Variants in C1orf116 observed in about 807,000 individuals in gnomAD.
The protein encoded by C1orf116 is chromosome 1 open reading frame 116.
Under a neutral mutation model 14.1 loss-of-function variants are expected in C1orf116, and 12 were observed. That is an observed-to-expected ratio of 0.85 (90% CI 0.54 to 1.38). The LOEUF is 1.38. C1orf116 is among the 40% of genes most tolerant of loss of function. The pLI is 0.00. For missense variants in C1orf116, 797 were observed against 747.0 expected, an observed-to-expected ratio of 1.07 and a Z score of -0.78; for synonymous variants, 296 against 299.0, an observed-to-expected ratio of 0.99 and a Z score of 0.10.
chr1:207,023,782 A>G (rs906087655), intron 3 of C1orf116, among the ~76,000 whole-genome samples: 56 of 152,296 alleles, frequency 3.7e-4, no homozygotes, highest in African/African-American at 1.3e-3. Context: ...TTCGAGACCA[A>G]CCAGGGCAAC....
intron 1 of C1orf116, 88 bp downstream of exon 1, chr1:207,032,491 C>T (rs763990473): frequency 1.2e-5 from 11 of 887,528 alleles, no homozygotes; most frequent in Non-Finnish European, 1.3e-5. Context: ...TATAGAGGGA[C>T]ACCTCCCCTC....
chr1:207,032,178 G>A (rs1447324335), intron 1 of C1orf116, among the ~76,000 whole-genome samples: 1 of 152,154 alleles, frequency 6.6e-6, no homozygotes, highest in Non-Finnish European at 1.5e-5. Context: ...TCCTGTTACA[G>A]TCGCTATGGA....
chr1:207,029,179 GC>G (rs1366705966), intron 1 of C1orf116, among the ~76,000 whole-genome samples: 1 of 151,924 alleles, frequency 6.6e-6, no homozygotes, highest in Non-Finnish European at 1.5e-5. Context: ...CTTAAAAGGG[GC>G]AGGTATGGAG....
At chr1:207,027,435 C>A in intron 2 of C1orf116, 59 bp downstream of exon 2, 1 of 1,596,928 alleles carries the variant, frequency 6.3e-7, no homozygotes, top group South Asian at 1.1e-5. Context: ...TAGGGCAGGG[C>A]AGGGCAGGGC....
chr1:207,027,286 G>A (rs1572697540), intron 2 of C1orf116, among the ~76,000 whole-genome samples: 1 of 152,178 alleles, frequency 6.6e-6, no homozygotes, highest in Non-Finnish European at 1.5e-5. Flanking sequence ...CATTTGCCCA[G>A]TTGCTCTCTA....
intron 2 of C1orf116, 72 bp from the exon 3 acceptor site, chr1:207,025,136 G>A: frequency 8.7e-7 from 1 of 1,150,726 alleles, no homozygotes; most frequent in South Asian, 1.5e-5. Flanking sequence ...AGGAGAGGGA[G>A]AGAGAGCTGT....
Position 207,022,698 on chromosome 1 carries a change from G to A in C1orf116, c.1066C>T (p.Leu356=). The A allele has an allele frequency of 6.2e-7, 1 of 1,614,098 alleles. No individual in the cohort carries two copies. The highest frequency in any genetic ancestry group is 1.1e-5 in the South Asian group (1 of 91,082). ...CCAGGCTCATCTTGATCCTGGGGTA[G>A]CCCCAGCTTCTCTAGAGCTTCTTTA... ...ARKEALEKLG[L]PQDQDEPGLH... Residue 356 remains leucine, a synonymous_variant, in exon 4 of 4, where the codon CTA becomes TTA. Transcript: ENST00000359470.
Position 207,022,184 on chromosome 1 carries a change from C to G in C1orf116, c.1580G>C (p.Arg527Pro), listed in dbSNP as rs146846282. The change falls in exon 4 of 4, where the codon CGG (arginine) becomes CCG (proline). Residue 527 changes from arginine (R) to proline (P), a missense_variant. Transcript: ENST00000359470. ...CGTGCCCAGGGAGGCCGGGCGGGGC[C>G]GAGAATTACGTAAGACACTGGGCGA... ...KISPSVLRNSRPRPASLGTGK... is the reference protein window; with the variant it reads ...KISPSVLRNSPPRPASLGTGK... 1.2e-6 allele frequency: 2 copies of G among 1,613,684 alleles called. No homozygotes were observed. The highest frequency in any genetic ancestry group is 8.5e-7 in the Non-Finnish European group (1 of 1,179,730).
In C1orf116 at chr1:207,022,138, G is replaced by A; in HGVS notation, c.1626C>T (p.Ile542=). The A allele has an allele frequency of 6.2e-7, 1 of 1,612,958 alleles. No homozygotes were observed. The highest frequency in any genetic ancestry group is 8.5e-7 in the Non-Finnish European group (1 of 1,179,038). ...SLGTGKDFAG[I]QVGKLADLEQ... is the part of the protein sequence containing the mutation. The stretch of plus-strand genomic sequence containing the variant: ...CCAGGTCAGCCAGCTTGCCTACCTG[G>A]ATACCTGCAAAATCTTTCCCCGTGC... The change falls in exon 4 of 4, where the codon ATC becomes ATT. Residue 542 remains isoleucine (I), a synonymous_variant. Transcript: ENST00000359470.
intron 1 of C1orf116, among the ~76,000 whole-genome samples, chr1:207,030,164 C>T (rs1245574408): frequency 6.6e-6 from 1 of 152,226 alleles, no homozygotes; most frequent in Non-Finnish European, 1.5e-5. Flanking sequence ...CTAATTCGAT[C>T]TTCAGCATAA....
rs771715067 is a variant in C1orf116, at chr1:207,023,090, C to T, written c.674G>A (p.Gly225Asp). Residue 225 changes from glycine (G) to aspartate (D), a missense_variant, in exon 4 of 4, where the codon GGC becomes GAC. Coordinates refer to ENST00000359470, the MANE Select transcript of C1orf116 (RefSeq NM_023938.6). ...ASLPEGPGQQGHTPQLHTPSS... is the reference protein window; with the variant it reads ...ASLPEGPGQQDHTPQLHTPSS... ...TGGTGTGTGGAGCTGGGGTGTGTGG[C>T]CCTGCTGTCCTGGCCCCTCGGGCAG... 1.1e-5 allele frequency: 18 copies of T among 1,612,382 alleles called. No individual in the cohort carries two copies. Among genetic ancestry groups the T allele is most frequent in the Middle Eastern group, 1.7e-4 (1 of 6,060 alleles).
Position 207,032,584 on chromosome 1 carries a change from C to T in C1orf116, c.-87G>A. ...TTGGTTAGTGATTAACTCACCTCCA[C>T]TGGGTTGGGGGCTGAAGAGAGAAAA... On this transcript the variant is annotated 5_prime_UTR_variant, in exon 1 of 4. It adds an upstream start codon to the 5' untranslated region. Coordinates refer to ENST00000359470, the MANE Select transcript of C1orf116 (RefSeq NM_023938.6). The T allele has an allele frequency of 1.0e-6, 1 of 985,448 alleles. No homozygotes were observed. The highest frequency in any genetic ancestry group is 1.2e-6 in the Non-Finnish European group (1 of 829,952). 61.0% of individuals were successfully genotyped at this position (985,448 alleles called of 1,614,324 possible).
chr1:207,030,235 C>T (rs1358637135), intron 1 of C1orf116, among the ~76,000 whole-genome samples: 2 of 152,174 alleles, frequency 1.3e-5, no homozygotes, highest in Non-Finnish European at 2.9e-5. Context: ...AGTTATGGCT[C>T]TTACCACTAG....
chr1:207,029,323 T>C (rs576880261), intron 1 of C1orf116, among the ~76,000 whole-genome samples: 3 of 151,908 alleles, frequency 2.0e-5, no homozygotes, highest in African/African-American at 7.3e-5. Context: ...CAATGATAAA[T>C]AAATGTGGGG....
chr1:207,023,245 G>C lies in C1orf116; in HGVS notation c.519C>G (p.Val173=). Residue 173 remains valine, a synonymous_variant, in exon 4 of 4, where the codon GTC becomes GTG. Transcript: ENST00000359470. ...RLAPEPEKEQ[V]SQSSQPRQAP... ...CCTGCCTGGGTTGGCTGCTCTGGCT[G>C]ACCTGTTCTTTCTCAGGCTCTGGCG... 6.2e-7 allele frequency: 1 copy of C among 1,613,060 alleles called. No individual in the cohort carries two copies. The highest frequency in any genetic ancestry group is 8.5e-7 in the Non-Finnish European group (1 of 1,179,418).
chr1:207,026,062 G>A (rs1048043692), intron 2 of C1orf116, among the ~76,000 whole-genome samples: 18 of 152,230 alleles, frequency 1.2e-4, no homozygotes, highest in African/African-American at 4.3e-4. Context: ...TTTGGGCCAA[G>A]TCTCTTCTTG....
In C1orf116 at chr1:207,022,694, G is replaced by A; in HGVS notation, c.1070C>T (p.Pro357Leu). The change falls in exon 4 of 4, where the codon CCC becomes CTC. Residue 357 changes from proline to leucine, a missense_variant. Pro to Leu is a moderately conservative substitution (Grantham distance 98). Transcript: ENST00000359470. ...RKEALEKLGL[P>L]QDQDEPGLHL... ...GAGTCCAGGCTCATCTTGATCCTGG[G>A]GTAGCCCCAGCTTCTCTAGAGCTTC... 6.2e-7 allele frequency: 1 copy of A among 1,614,098 alleles called. No homozygotes were observed. Among genetic ancestry groups the A allele is most frequent in the Non-Finnish European group, 8.5e-7 (1 of 1,180,024 alleles).
chr1:207,025,127 G>A, intron 2 of C1orf116, 63 bp from the exon 3 acceptor site: 1 of 1,155,268 alleles, frequency 8.7e-7, no homozygotes, highest in Middle Eastern at 2.8e-4. Context: ...AAGAAGAACA[G>A]GAGAGGGAGA....
Position 207,022,366 on chromosome 1 carries a change from G to C in C1orf116, c.1398C>G (p.Leu466=). ...TPPKPESGLT[L]QESNTPGLRQ... The stretch of plus-strand genomic sequence containing the variant: ...TCAGGCCAGGGGTGTTGCTCTCCTG[G>C]AGAGTCAGCCCTGACTCTGGCTTCG... Residue 466 remains leucine, a synonymous_variant, in exon 4 of 4, where the codon CTC becomes CTG. Transcript: ENST00000359470. The C allele has an allele frequency of 1.2e-6, 2 of 1,614,092 alleles. No individual in the cohort carries two copies. The highest frequency in any genetic ancestry group is 1.7e-6 in the Non-Finnish European group (2 of 1,179,988).
Sources: allele counts gnomAD v4.1 joint callset (sites outside exome capture counted in the v4.1 genomes callset), GRCh38; gene constraint gnomAD v4.1.1; transcripts MANE v1.5; gene names NCBI Gene and HGNC (gene_info 2026-07-23, HGNC 2026-07-21).